BUB1: variants seen among roughly 807,000 people sequenced by gnomAD.
BUB1 encodes the protein mitotic checkpoint serine/threonine-protein kinase BUB1.
Under a neutral mutation model 135.2 loss-of-function variants are expected in BUB1, and 84 were observed. That is an observed-to-expected ratio of 0.62 (90% CI 0.52 to 0.74). The LOEUF (loss-of-function observed/expected upper bound fraction) is 0.74, where lower values mean the gene tolerates loss of function less well. BUB1 is among the 30% of genes least tolerant of loss of function. The probability of loss-of-function intolerance (pLI) is 0.00; values close to 1 mark genes in which losing one functional copy is unlikely to be tolerated. For synonymous variants in BUB1, 403 were observed against 434.4 expected, an observed-to-expected ratio of 0.93 and a Z score of 0.90; for missense variants, 1,162 against 1,288.3, an observed-to-expected ratio of 0.90 and a Z score of 1.50.
chr2:110,670,163 G>T (rs554719296), intron 5 of BUB1, among the ~76,000 whole-genome samples: 1 of 143,214 alleles, frequency 7.0e-6, no homozygotes, highest in East Asian at 2.0e-4. Flanking sequence ...TGTGGAGACG[G>T]AGTCTCACTC....
In BUB1 at chr2:110,666,430, A is replaced by G; in HGVS notation, c.806-16T>C. On this transcript the variant is annotated splice_polypyrimidine_tract_variant and intron_variant, in intron 8 of 24. Transcript: ENST00000302759. ...TCTTCATTTACTTTAGGAAAGATAG[A>G]AATGGTTTGCATGCAAAATTTAAAT... 7.4e-7 allele frequency: 1 copy of G among 1,357,236 alleles called. No homozygotes were observed. Among genetic ancestry groups the G allele is most frequent in the South Asian group, 2.2e-5 (1 of 45,334 alleles). 84.1% of individuals were successfully genotyped at this position (1,357,236 alleles called of 1,614,324 possible).
chr2:110,662,016 G>T (rs1690113958), intron 9 of BUB1, 175 bp from the exon 10 acceptor site: 1 of 703,744 alleles, frequency 1.4e-6, no homozygotes, highest in African/African-American at 1.8e-5. Context: ...ACAACAAAAA[G>T]ACCACTCTAC....
At chr2:110,672,053 C>T (rs1457384194) in intron 4 of BUB1, among the ~76,000 whole-genome samples, 2 of 152,244 alleles carry the variant, frequency 1.3e-5, no homozygotes, top group African/African-American at 4.8e-5. Flanking sequence ...ATGGCGAAAC[C>T]TCGTCTCTAC....
intron 1 of BUB1, among the ~76,000 whole-genome samples, chr2:110,676,837 G>A (rs760482483): frequency 6.6e-5 from 10 of 151,566 alleles, no homozygotes; most frequent in Non-Finnish European, 1.5e-4. Context: ...GTGACAGAGT[G>A]GGACAGTAGT....
At chr2:110,643,439 A>AC (rs1224216194) in intron 19 of BUB1, among the ~76,000 whole-genome samples, 8 of 152,184 alleles carry the variant, frequency 5.3e-5, no homozygotes, top group Admixed American at 3.3e-4. Context: ...ACACAGCCTA[A>AC]CCCATAGGCA....
chr2:110,644,788 A>C (rs972846887), intron 19 of BUB1, among the ~76,000 whole-genome samples: 1 of 152,216 alleles, frequency 6.6e-6, no homozygotes, highest in Non-Finnish European at 1.5e-5. Flanking sequence ...GGAATCCACC[A>C]ATCTAGAATT....
chr2:110,641,610 T>C (rs1278554216), intron 21 of BUB1, 32 bp downstream of exon 21: 1 of 1,600,500 alleles, frequency 6.2e-7, no homozygotes, highest in East Asian at 2.2e-5. Context: ...CCATTTTAAA[T>C]TCATGTGCTC....
chr2:110,663,720 G>A (rs1023415537), intron 9 of BUB1, among the ~76,000 whole-genome samples: 3 of 152,174 alleles, frequency 2.0e-5, no homozygotes, highest in Non-Finnish European at 2.9e-5. Flanking sequence ...TAGGAACATT[G>A]TAAAATTCTG....
chr2:110,672,545 AC>A (rs1185660895), intron 4 of BUB1, 115 bp downstream of exon 4: 1 of 1,132,734 alleles, frequency 8.8e-7, no homozygotes, highest in African/African-American at 1.6e-5. Flanking sequence ...TGTATTATCC[AC>A]ATTGTCCAAA....
At chr2:110,642,945 G>A (rs1689542956) in intron 19 of BUB1, among the ~76,000 whole-genome samples, 1 of 152,152 alleles carries the variant, frequency 6.6e-6, no homozygotes. Flanking sequence ...TCCTGCCTTG[G>A]CCTCCCAAAG....
intron 9 of BUB1, among the ~76,000 whole-genome samples, chr2:110,663,810 C>T (rs752003473): frequency 6.6e-6 from 1 of 152,102 alleles, no homozygotes; most frequent in Non-Finnish European, 1.5e-5. Flanking sequence ...GGGCGGATCA[C>T]GAGGTCAGGA....
intron 1 of BUB1, among the ~76,000 whole-genome samples, chr2:110,674,700 T>C (rs1690524493): frequency 6.6e-6 from 1 of 152,164 alleles, no homozygotes; most frequent in African/African-American, 2.4e-5. Flanking sequence ...TTGCCAGAAG[T>C]TTGCTCCTCC....
intron 24 of BUB1, among the ~76,000 whole-genome samples, chr2:110,639,307 T>C (rs955710720): frequency 2.8e-4 from 42 of 151,560 alleles, no homozygotes; most frequent in African/African-American, 9.5e-4. Flanking sequence ...TCATATTACT[T>C]TATAATTTAT....
At chr2:110,666,624 T>TAAA (rs398060452) in intron 8 of BUB1, among the ~76,000 whole-genome samples, 1 of 120,792 alleles carries the variant, frequency 8.3e-6, no homozygotes, top group Non-Finnish European at 1.8e-5. Flanking sequence ...TGTAAATTAC[T>TAAA]AAAAAAAAAA....
chr2:110,674,395 T>C (rs747075425), intron 1 of BUB1, 30 bp from the exon 2 acceptor site: 2 of 1,599,762 alleles, frequency 1.3e-6, no homozygotes, highest in South Asian at 2.2e-5. Flanking sequence ...GCACATGGGA[T>C]ATTAGGGATA....
At chr2:110,664,283 G>C (rs1273667702) in intron 9 of BUB1, among the ~76,000 whole-genome samples, 1 of 151,976 alleles carries the variant, frequency 6.6e-6, no homozygotes, top group Non-Finnish European at 1.5e-5. Flanking sequence ...ATAAATACCA[G>C]ATACATCACT....
intron 19 of BUB1, chr2:110,642,906 T>A (rs1222345061): frequency 6.5e-6 from 1 of 153,920 alleles, no homozygotes; most frequent in Non-Finnish European, 1.4e-5. Context: ...TGCCCAGGCT[T>A]GTCTCAAATT....
chr2:110,638,219 C>T, intron 24 of BUB1, 60 bp from the exon 25 acceptor site: 1 of 1,362,316 alleles, frequency 7.3e-7, no homozygotes, highest in South Asian at 1.5e-5. Context: ...CAGGATAACC[C>T]CACCCCTGCA....
At chr2:110,671,015 TTC>T (rs1268511087) in intron 4 of BUB1, among the ~76,000 whole-genome samples, 2 of 152,234 alleles carry the variant, frequency 1.3e-5, no homozygotes, top group African/African-American at 4.8e-5. Context: ...CTGTGAGAAG[TTC>T]TCAAATATGT....
Sources: gnomAD v4.1 joint callset for allele counts (sites outside exome capture counted in the v4.1 genomes callset) on GRCh38, gnomAD v4.1.1 for gene constraint, MANE v1.5 for transcripts, NCBI Gene and HGNC (gene_info 2026-07-23, HGNC 2026-07-21) for gene names.